The following CHSY3 variants were observed in gnomAD, a reference collection of about 807,000 sequenced individuals.
CHSY3 encodes the protein chondroitin sulfate synthase 3.
In CHSY3, 35 loss-of-function variants were observed where a neutral mutation model predicts 67.2. The observed-to-expected ratio is 0.52, with a 90% CI of 0.40 to 0.69. CHSY3 has a LOEUF of 0.69. Among genes scored for constraint, CHSY3 ranks in the 30% least tolerant of loss-of-function variants. The probability of loss-of-function intolerance (pLI) is 0.00; values close to 1 mark genes in which losing one functional copy is unlikely to be tolerated. For missense variants in CHSY3, 1,069 were observed against 1,138.5 expected, an observed-to-expected ratio of 0.94 and a Z score of 0.88; for synonymous variants, 474 against 434.7, an observed-to-expected ratio of 1.09 and a Z score of -1.12.
intron 2 of CHSY3, among the ~76,000 whole-genome samples, chr5:130,181,654 A>G (rs957081360): frequency 2.6e-5 from 4 of 152,180 alleles, no homozygotes; most frequent in African/African-American, 9.6e-5. Flanking sequence ...ACATATGACC[A>G]CCACCTGGAT....
intron 2 of CHSY3, among the ~76,000 whole-genome samples, chr5:130,098,785 A>C (rs2149697200): frequency 6.6e-6 from 1 of 152,372 alleles, no homozygotes; most frequent in African/African-American, 2.4e-5. Context: ...GGAATCATTA[A>C]GAATCATTAA....
At chr5:130,037,687 A>G (rs28421934) in intron 2 of CHSY3, among the ~76,000 whole-genome samples, 79,113 of 151,784 alleles carry the variant, frequency 0.52, 21,301 homozygotes, top group East Asian at 0.67. Context: ...TTTAAAATTA[A>G]CAATGTAATT....
chr5:130,020,459 ATATTT>A (rs1273676448), intron 2 of CHSY3, among the ~76,000 whole-genome samples: 3 of 49,746 alleles, frequency 6.0e-5, no homozygotes, highest in African/African-American at 3.1e-4. Context: ...ATATATATAT[ATATTT>A]TTTTTTTTTT....
At chr5:130,162,272 A>G (rs187379978) in intron 2 of CHSY3, among the ~76,000 whole-genome samples, 1 of 152,090 alleles carries the variant, frequency 6.6e-6, no homozygotes, top group Non-Finnish European at 1.5e-5. Context: ...ATAATGTATG[A>G]TATATAAATA....
intron 2 of CHSY3, among the ~76,000 whole-genome samples, chr5:130,085,513 A>G (rs1205307190): frequency 6.6e-6 from 1 of 151,992 alleles, no homozygotes; most frequent in Non-Finnish European, 1.5e-5. Flanking sequence ...CTTCTTTATT[A>G]GTCTTGCTAG....
At chr5:130,161,908 T>C (rs552953388) in intron 2 of CHSY3, among the ~76,000 whole-genome samples, 2 of 151,286 alleles carry the variant, frequency 1.3e-5, no homozygotes, top group East Asian at 3.9e-4. Flanking sequence ...GATGTGGTGG[T>C]GTGCACCTGT....
chr5:129,976,795 T>C (rs566970686), intron 2 of CHSY3, among the ~76,000 whole-genome samples: 6 of 151,966 alleles, frequency 3.9e-5, no homozygotes, highest in African/African-American at 9.6e-5. Flanking sequence ...ATAAAACACA[T>C]TGTTTTTCTT....
intron 2 of CHSY3, among the ~76,000 whole-genome samples, chr5:130,120,047 T>G (rs1454531325): frequency 6.6e-6 from 1 of 152,178 alleles, no homozygotes; most frequent in Non-Finnish European, 1.5e-5. Context: ...ACATTAAATT[T>G]AAAAAGCATA....
chr5:130,151,710 T>A (rs1561560651), intron 2 of CHSY3, among the ~76,000 whole-genome samples: 1 of 152,094 alleles, frequency 6.6e-6, no homozygotes, highest in Non-Finnish European at 1.5e-5. Context: ...AAGCCCCTTA[T>A]AAAACTACCA....
chr5:129,944,395 A>AT (rs947434736), intron 2 of CHSY3, among the ~76,000 whole-genome samples: 45 of 147,654 alleles, frequency 3.0e-4, no homozygotes, highest in East Asian at 9.8e-4. Flanking sequence ...CAATTAACGA[A>AT]TTTTTTTTTT....
chr5:129,983,380 A>G (rs958435301), intron 2 of CHSY3, among the ~76,000 whole-genome samples: 2 of 152,058 alleles, frequency 1.3e-5, no homozygotes, highest in Non-Finnish European at 2.9e-5. Context: ...GTCCTCCTAC[A>G]TCCATATTTG....
At chr5:130,088,625 T>C in intron 2 of CHSY3, among the ~76,000 whole-genome samples, 1 of 152,072 alleles carries the variant, frequency 6.6e-6, no homozygotes, top group East Asian at 1.9e-4. Context: ...GAAAAAATGC[T>C]CACCATCACT....
At position 130,178,253 on chromosome 5, in the gene CHSY3, A is replaced by ATTTTTTTT. The variant is rs10699248; in HGVS notation, c.1087-5966_1087-5959dup. ...TATATATATATATATATATATATAT[A>ATTTTTTTT]TTTTTTTTTTTTTTTTTCCTGAGAC... On this transcript the variant is annotated intron_variant, in intron 2 of 2. Coordinates refer to ENST00000305031, the MANE Select transcript of CHSY3 (RefSeq NM_175856.5). 6.8e-4 allele frequency among the ~76,000 whole-genome samples: 31 copies of ATTTTTTTT among 45,908 alleles called. 1 individual carries two copies. The highest frequency in any genetic ancestry group is 2.8e-3 in the East Asian group (3 of 1,080). 30.1% of individuals were successfully genotyped at this position (45,908 alleles called of 152,430 possible).
At chr5:129,992,714 G>C (rs928696518) in intron 2 of CHSY3, among the ~76,000 whole-genome samples, 2 of 152,166 alleles carry the variant, frequency 1.3e-5, no homozygotes, top group Non-Finnish European at 2.9e-5. Flanking sequence ...GGCAAGAGCA[G>C]CCATTAGTAG....
rs561026817 is a variant in CHSY3, at chr5:130,102,588, A to C, written c.1087-81641A>C. On this transcript the variant is annotated intron_variant, in intron 2 of 2. Coordinates refer to ENST00000305031, the MANE Select transcript of CHSY3 (RefSeq NM_175856.5). ...AGAGCAGCACAATGATTTCACTTTC[A>C]GATGGGGCTAGTCACATTACCTCTA... is the stretch of plus-strand genomic sequence containing the variant. 5.3e-5 allele frequency among the ~76,000 whole-genome samples: 8 copies of C among 152,236 alleles called. No homozygotes were observed. The South Asian group carries it at 1.7e-3, about 32-fold the overall frequency.
At chr5:130,171,429 A>C (rs1769891225) in intron 2 of CHSY3, among the ~76,000 whole-genome samples, 1 of 152,176 alleles carries the variant, frequency 6.6e-6, no homozygotes, top group Non-Finnish European at 1.5e-5. Flanking sequence ...TGATAAACAA[A>C]CCTGATGAAC....
intron 2 of CHSY3, among the ~76,000 whole-genome samples, chr5:129,994,071 C>T (rs867511724): frequency 2.5e-4 from 38 of 152,130 alleles, no homozygotes; most frequent in African/African-American, 7.0e-4. Flanking sequence ...GAGTTTCTGC[C>T]GAGAGATCAG....
intron 2 of CHSY3, among the ~76,000 whole-genome samples, chr5:130,180,965 G>A (rs921336445): frequency 4.6e-5 from 7 of 152,270 alleles, no homozygotes; most frequent in South Asian, 4.1e-4. Context: ...AGTTTAATGC[G>A]GTAGAAGAGT....
At chr5:129,967,333 G>A (rs977942807) in intron 2 of CHSY3, among the ~76,000 whole-genome samples, 3 of 151,720 alleles carry the variant, frequency 2.0e-5, no homozygotes, top group African/African-American at 7.3e-5. Flanking sequence ...GATTATACTT[G>A]ATGAAAAGTC....
Sources: gnomAD v4.1 joint callset for allele counts (sites outside exome capture counted in the v4.1 genomes callset) on GRCh38, gnomAD v4.1.1 for gene constraint, MANE v1.5 for transcripts, NCBI Gene and HGNC (gene_info 2026-07-23, HGNC 2026-07-21) for gene names.